ADPGK: variants seen among roughly 807,000 people sequenced by gnomAD.
ADPGK encodes the protein ADP-dependent glucokinase.
ADPGK carries 26 observed loss-of-function variants against 42.4 expected under a neutral mutation model. That is an observed-to-expected ratio of 0.61 (90% CI 0.45 to 0.85). ADPGK has a LOEUF of 0.85. Among genes scored for constraint, ADPGK ranks in the 40% least tolerant of loss-of-function variants. The pLI is 0.00. For missense variants in ADPGK, 571 were observed against 627.0 expected (o/e 0.91, Z 0.95); for synonymous variants, 267 against 252.6 (o/e 1.06, Z -0.54).
At chr15:72,779,524 C>A (rs565812296) in intron 1 of ADPGK, among the ~76,000 whole-genome samples, 1 of 152,010 alleles carries the variant, frequency 6.6e-6, no homozygotes, top group East Asian at 1.9e-4. Context: ...GGATTACAGG[C>A]GTGAGCCACC....
chr15:72,763,405 T>C (rs542235956), intron 3 of ADPGK, among the ~76,000 whole-genome samples: 1 of 151,344 alleles, frequency 6.6e-6, no homozygotes, highest in African/African-American at 2.4e-5. Context: ...CAGGCTGGTC[T>C]CAAACTCCTG....
intron 3 of ADPGK, among the ~76,000 whole-genome samples, chr15:72,771,371 C>T (rs536842755): frequency 6.6e-6 from 1 of 152,234 alleles, no homozygotes; most frequent in African/African-American, 2.4e-5. Context: ...TCTCAAGGCC[C>T]ACATGCTCCT....
At chr15:72,760,864 AG>A (rs1234763528) in intron 3 of ADPGK, among the ~76,000 whole-genome samples, 1 of 152,150 alleles carries the variant, frequency 6.6e-6, no homozygotes, top group Admixed American at 6.5e-5. Context: ...TAGATGGTGA[AG>A]CCCAAACCCC....
In ADPGK at chr15:72,752,085, C is replaced by T. The variant is rs1251441603; in HGVS notation, c.*256G>A. The T allele has an allele frequency of 2.8e-5, 13 of 460,774 alleles. No individual in the cohort carries two copies. The highest frequency in any genetic ancestry group is 7.8e-5 in the African/African-American group (4 of 51,272). 28.5% of individuals were successfully genotyped at this position (460,774 alleles called of 1,614,324 possible). ...AAGTTTAGCTTAAAATACCTGATGG[C>T]GCTGCATAAACTGGGGATTTGGGAA... On this transcript the variant is annotated 3_prime_UTR_variant, in exon 7 of 7. Coordinates refer to ENST00000456471, the MANE Select transcript of ADPGK (RefSeq NM_001365225.1).
intron 6 of ADPGK, among the ~76,000 whole-genome samples, chr15:72,753,675 A>AT (rs1292460917): frequency 6.6e-6 from 1 of 152,194 alleles, no homozygotes; most frequent in Admixed American, 6.5e-5. Flanking sequence ...CCTTCACTGC[A>AT]TGTTCTTCTG....
In ADPGK at chr15:72,771,762, TA is replaced by T. The variant is rs2066331381; in HGVS notation, c.522+20del. ...AAACACTAGGGAAAGGCATAGGTTT[TA>T]ATCTAAAAACTTGACCTACCTTTAA... On this transcript the variant is annotated intron_variant, in intron 3 of 6. Transcript: ENST00000456471. 1 of 1,601,854 alleles carries T rather than the reference TA, an allele frequency of 6.2e-7. No individual in the cohort carries two copies. Among genetic ancestry groups the T allele is most frequent in the Non-Finnish European group, 8.5e-7 (1 of 1,173,508 alleles).
At chr15:72,764,990 T>C (rs1224198736) in intron 3 of ADPGK, among the ~76,000 whole-genome samples, 2 of 106,654 alleles carry the variant, frequency 1.9e-5, no homozygotes, top group Admixed American at 1.0e-4. Context: ...TCAGAACTAC[T>C]GCTCAGAAAA....
intron 3 of ADPGK, among the ~76,000 whole-genome samples, chr15:72,768,969 G>GTC: frequency 1.1e-5 from 1 of 88,854 alleles, no homozygotes; most frequent in Non-Finnish European, 2.7e-5. Context: ...GCCAGATCCT[G>GTC]TCTCTCAAAA....
At chr15:72,772,968 A>G (rs1339303809) in intron 2 of ADPGK, among the ~76,000 whole-genome samples, 1 of 152,168 alleles carries the variant, frequency 6.6e-6, no homozygotes, top group African/African-American at 2.4e-5. Flanking sequence ...GTGGAATGCT[A>G]CTATCCCAGC....
intron 1 of ADPGK, among the ~76,000 whole-genome samples, chr15:72,780,624 T>A (rs2066446117): frequency 6.6e-6 from 1 of 152,272 alleles, no homozygotes; most frequent in African/African-American, 2.4e-5. Context: ...TGGCAAATCC[T>A]GTCCCTACCA....
chr15:72,759,616 T>A (rs932485384), intron 4 of ADPGK, among the ~76,000 whole-genome samples: 8 of 152,240 alleles, frequency 5.3e-5, no homozygotes, highest in African/African-American at 1.9e-4. Flanking sequence ...AGTAGTTCAC[T>A]GAAGAGTATT....
In ADPGK at chr15:72,752,140, T is replaced by G; in HGVS notation, c.*201A>C. On this transcript the variant is annotated 3_prime_UTR_variant, in exon 7 of 7. Transcript: ENST00000456471. The stretch of plus-strand genomic sequence containing the variant: ...GTTTTTAGCTCTGTGACACACAACA[T>G]AAAAAACAAAAATCCAGTCTCATTA... 1.6e-6 allele frequency: 1 copy of G among 612,380 alleles called. No homozygotes were observed. The highest frequency in any genetic ancestry group is 2.7e-6 in the Non-Finnish European group (1 of 363,674). 37.9% of individuals were successfully genotyped at this position (612,380 alleles called of 1,614,324 possible). A position where few individuals can be genotyped will look rare whatever the true frequency, so the allele number is the denominator to read the frequency against.
Position 72,752,714 on chromosome 15 carries a change from G to A in ADPGK, c.1121C>T (p.Ser374Leu), listed in dbSNP as rs761019721. 6 of 1,614,186 alleles carry A rather than the reference G, an allele frequency of 3.7e-6. No homozygotes were observed. The Admixed American group carries it at 8.3e-5, about 22-fold the overall frequency. ...GTGGAAATGGATCCTGGTGAGATCC[G>A]AGGCTCTGCTTTTACTCCTCCCATG... ...KEHGRSKSRA[S>L]DLTRIHFHTL... Residue 374 changes from serine to leucine, a missense_variant, in exon 7 of 7, where the codon TCG (serine) becomes TTG (leucine). Transcript: ENST00000456471.
chr15:72,752,661 CA>C lies in ADPGK; in HGVS notation c.1173del (p.Val392TrpfsTer29), dbSNP rs771584481. 6.2e-7 allele frequency: 1 copy of C among 1,614,230 alleles called. No individual in the cohort carries two copies. Among genetic ancestry groups the C allele is most frequent in the South Asian group, 1.1e-5 (1 of 91,080 alleles). ...FHTLVYHILA[T>X]VDGHWANQLA... ...AGCTGGTTGGCCCAGTGTCCATCCA[CA>C]GTTGCCAGGATGTGGTAGACCAGCG... On this transcript the variant is annotated frameshift_variant, in exon 7 of 7. Coordinates refer to ENST00000456471, the MANE Select transcript of ADPGK (RefSeq NM_001365225.1). LOFTEE classifies it high-confidence loss of function.
At chr15:72,782,512 G>C (rs1181958199) in intron 1 of ADPGK, among the ~76,000 whole-genome samples, 3 of 102,136 alleles carry the variant, frequency 2.9e-5, no homozygotes, top group African/African-American at 3.9e-5. Context: ...GCGACAGAGA[G>C]AGAGACCCTG....
chr15:72,762,693 C>A (rs10152150), intron 3 of ADPGK, among the ~76,000 whole-genome samples: 131,770 of 152,234 alleles, frequency 0.87, 57,364 homozygotes, highest in East Asian at 1. Context: ...AAAAACAGGA[C>A]TAAACTGGCC....
At chr15:72,754,837 A>T (rs2066091221) in intron 6 of ADPGK, among the ~76,000 whole-genome samples, 1 of 152,200 alleles carries the variant, frequency 6.6e-6, no homozygotes, top group Non-Finnish European at 1.5e-5. Context: ...TTGGGTAAAA[A>T]GGGATGGAAA....
rs767194677 is a variant in ADPGK, at chr15:72,752,881, C to G, written c.954G>C (p.Ala318=). The G allele has an allele frequency of 6.2e-7, 1 of 1,611,458 alleles. No homozygotes were observed. Among genetic ancestry groups the G allele is most frequent in the East Asian group, 2.2e-5 (1 of 44,846 alleles). Residue 318 remains alanine, a synonymous_variant, in exon 7 of 7, where the codon GCG becomes GCC. Transcript: ENST00000456471. The stretch of plus-strand genomic sequence containing the variant: ...GTTCATTCAGCCCAAGGGAAGTCAC[C>G]GCGGGAAAGACCTGCTAACAAAAAC... The part of the protein sequence containing the change: ...SSIVHQQVFP[A]VTSLGLNEQE...
At chr15:72,781,005 C>G (rs1296591152) in intron 1 of ADPGK, among the ~76,000 whole-genome samples, 5 of 152,252 alleles carry the variant, frequency 3.3e-5, no homozygotes, top group African/African-American at 9.6e-5. Context: ...CCTTATGAAT[C>G]ACATTAAATG....
Sources: allele counts gnomAD v4.1 joint callset (sites outside exome capture counted in the v4.1 genomes callset), GRCh38; gene constraint gnomAD v4.1.1; transcripts MANE v1.5; gene names NCBI Gene and HGNC (gene_info 2026-07-23, HGNC 2026-07-21).